The following ANKRD6 variants were observed in gnomAD, a reference collection of about 807,000 sequenced individuals.
ANKRD6 encodes the protein ankyrin repeat domain-containing protein 6.
Under a neutral mutation model 82.3 loss-of-function variants are expected in ANKRD6, and 56 were observed. The observed-to-expected ratio is 0.68, with a 90% CI of 0.55 to 0.85. ANKRD6 has a LOEUF of 0.85. ANKRD6 is among the 40% of genes least tolerant of loss of function. ANKRD6 has a pLI of 0.00. For missense variants in ANKRD6, 852 were observed against 907.6 expected, an observed-to-expected ratio of 0.94 and a Z score of 0.79; for synonymous variants, 347 against 352.1, an observed-to-expected ratio of 0.99 and a Z score of 0.16.
chr6:89,481,626 C>G (rs1776822224), intron 1 of ANKRD6, among the ~76,000 whole-genome samples: 1 of 152,148 alleles, frequency 6.6e-6, no homozygotes. Context: ...ATGTTGATAG[C>G]TGTTTTATAA....
Position 89,585,646 on chromosome 6 carries a change from C to T in ANKRD6, c.121-10270C>T, listed in dbSNP as rs56362099. 3.0e-3 allele frequency among the ~76,000 whole-genome samples: 463 copies of T among 152,328 alleles called. 2 individuals carry two copies. Among genetic ancestry groups the T allele is most frequent in the Non-Finnish European group, 5.0e-3 (340 of 68,022 alleles). On this transcript the variant is annotated intron_variant, in intron 2 of 15. Coordinates refer to ENST00000339746, the MANE Select transcript of ANKRD6 (RefSeq NM_001242809.2). ...AGGGCCGGCCAGATGTGATGGCTCA[C>T]GCCTGTAATCCCAGCACTTTGGGAG...
chr6:89,485,096 A>C (rs1254736913), intron 1 of ANKRD6, among the ~76,000 whole-genome samples: 1 of 152,140 alleles, frequency 6.6e-6, no homozygotes, highest in Non-Finnish European at 1.5e-5. Context: ...AGACTGTCTC[A>C]CCCAGCCCAA....
chr6:89,630,567 T>C lies in ANKRD6; in HGVS notation c.1747T>C (p.Cys583Arg). The C allele has an allele frequency of 1.2e-6, 2 of 1,613,938 alleles. No individual in the cohort carries two copies. The highest frequency in any genetic ancestry group is 1.7e-6 in the Non-Finnish European group (2 of 1,179,842). The change falls in exon 16 of 16, where the codon TGT becomes CGT. Residue 583 changes from cysteine to arginine, a missense_variant. Physicochemically the swap from Cys to Arg is radical, Grantham distance 180. Transcript: ENST00000339746. ...CCAGCAGGAGCTGTCGTCTTCTGAC[T>C]GTACAGGCTCCCGACTGAGAAACGT... ...RLQQELSSSD[C>R]TGSRLRNVKV...
intron 2 of ANKRD6, among the ~76,000 whole-genome samples, chr6:89,567,740 T>C (rs554927082): frequency 2.0e-5 from 3 of 152,348 alleles, no homozygotes; most frequent in Non-Finnish European, 4.4e-5. Context: ...CAAGCACTTA[T>C]TGAGCCCTAG....
intron 5 of ANKRD6, among the ~76,000 whole-genome samples, chr6:89,610,131 AG>A (rs1284089474): frequency 2.0e-5 from 3 of 152,144 alleles, no homozygotes; most frequent in African/African-American, 7.2e-5. Flanking sequence ...TTCTAATGTC[AG>A]GTTTTGAGAT....
At chr6:89,466,214 T>C (rs113803021) in intron 1 of ANKRD6, among the ~76,000 whole-genome samples, 2,650 of 152,332 alleles carry the variant, frequency 0.017, 77 homozygotes, top group African/African-American at 0.06. Context: ...GATATAGTTA[T>C]GTATTTATTA....
intron 6 of ANKRD6, 133 bp downstream of exon 6, chr6:89,612,503 G>T: frequency 1.0e-6 from 1 of 964,198 alleles, no homozygotes; most frequent in Non-Finnish European, 1.5e-6. Context: ...TCTCTAAAGT[G>T]TTCTTTTTTT....
intron 1 of ANKRD6, among the ~76,000 whole-genome samples, chr6:89,445,273 T>TC: frequency 7.2e-6 from 1 of 139,516 alleles, no homozygotes; most frequent in East Asian, 2.0e-4. Context: ...TCTTTTTTTT[T>TC]TTTTTTTTTT....
intron 1 of ANKRD6, among the ~76,000 whole-genome samples, chr6:89,528,616 C>T (rs1211808852): frequency 3.9e-5 from 6 of 152,190 alleles, no homozygotes; most frequent in Admixed American, 6.5e-5. Context: ...CACGAATGTT[C>T]CTAATGGCAT....
chr6:89,587,490 AAAAC>A (rs375913995), intron 2 of ANKRD6, among the ~76,000 whole-genome samples: 3 of 152,330 alleles, frequency 2.0e-5, no homozygotes, highest in South Asian at 2.1e-4. Context: ...TTCATCTCAA[AAAAC>A]AAACAAAAAA....
At chr6:89,527,077 C>T (rs1344747886) in intron 1 of ANKRD6, among the ~76,000 whole-genome samples, 1 of 152,180 alleles carries the variant, frequency 6.6e-6, no homozygotes, top group Non-Finnish European at 1.5e-5. Flanking sequence ...ATCCCTTACC[C>T]CAGTTGAGTT....
chr6:89,593,364 A>T (rs188302682), intron 2 of ANKRD6, among the ~76,000 whole-genome samples: 1 of 152,256 alleles, frequency 6.6e-6, no homozygotes, highest in African/African-American at 2.4e-5. Context: ...GAACCTGGTC[A>T]TGCCACTCTA....
chr6:89,612,262 T>C lies in ANKRD6; in HGVS notation c.418-10T>C. 1.3e-6 allele frequency: 2 copies of C among 1,553,582 alleles called. No individual in the cohort carries two copies. The highest frequency in any genetic ancestry group is 2.4e-5 in the South Asian group (2 of 84,148). ...CTAATATGTCCTCCCTCTCTCTGCC[T>C]CTCTCCAAGGCGGGGAACACAGCTC... On this transcript the variant is annotated splice_polypyrimidine_tract_variant and intron_variant, in intron 5 of 15. Transcript: ENST00000339746.
intron 3 of ANKRD6, chr6:89,598,373 AG>A: frequency 2.0e-6 from 2 of 985,414 alleles, no homozygotes; most frequent in Non-Finnish European, 1.2e-6. Context: ...GACAAAAATA[AG>A]AAAAACCACA....
In ANKRD6 at chr6:89,583,185, G is replaced by C. The variant is rs564187143; in HGVS notation, c.121-12731G>C. ...CTGAGGTTTCAGAGCCTTCCATGCA[G>C]GGCAGGACAACACTGTCCATTGAGC... On this transcript the variant is annotated intron_variant, in intron 2 of 15. Transcript: ENST00000339746. 6.6e-5 allele frequency among the ~76,000 whole-genome samples: 10 copies of C among 152,314 alleles called. No individual in the cohort carries two copies. The South Asian group carries it at 2.1e-3, about 32-fold the overall frequency.
intron 1 of ANKRD6, among the ~76,000 whole-genome samples, chr6:89,558,908 T>G (rs1787004257): frequency 3.3e-5 from 5 of 151,490 alleles, no homozygotes. Flanking sequence ...TCAGTGAAGA[T>G]AAAAAGGAGA....
chr6:89,491,406 T>C (rs370803235), intron 1 of ANKRD6, among the ~76,000 whole-genome samples: 7 of 152,236 alleles, frequency 4.6e-5, no homozygotes, highest in Admixed American at 3.3e-4. Context: ...CCTGAAGCCG[T>C]CCATACAATC....
At chr6:89,450,251 C>A (rs1772642857) in intron 1 of ANKRD6, among the ~76,000 whole-genome samples, 1 of 151,866 alleles carries the variant, frequency 6.6e-6, no homozygotes, top group Non-Finnish European at 1.5e-5. Flanking sequence ...GCAGGAGAAT[C>A]ACTTGAACCC....
chr6:89,504,398 C>T (rs914798699), intron 1 of ANKRD6, among the ~76,000 whole-genome samples: 18 of 137,676 alleles, frequency 1.3e-4, no homozygotes, highest in Non-Finnish European at 2.8e-4. Flanking sequence ...CTCTCTCTCG[C>T]TCTCGCTCGC....
Sources: gnomAD v4.1 joint callset for allele counts (sites outside exome capture counted in the v4.1 genomes callset) on GRCh38, gnomAD v4.1.1 for gene constraint, MANE v1.5 for transcripts, NCBI Gene and HGNC (gene_info 2026-07-23, HGNC 2026-07-21) for gene names.